The following SCN8A variants were observed in gnomAD, a reference collection of about 807,000 sequenced individuals.
SCN8A encodes sodium voltage-gated channel alpha subunit 8.
SCN8A carries 30 observed loss-of-function variants against 184.1 expected under a neutral mutation model. That is an observed-to-expected ratio of 0.16 (90% confidence interval 0.12 to 0.22). The LOEUF is 0.22. SCN8A is among the 10% of genes least tolerant of loss of function. The pLI is 1.00. For missense variants in SCN8A, 1,057 were observed against 2,498.9 expected, an observed-to-expected ratio of 0.42 and a Z score of 12.30; for synonymous variants, 852 against 907.0, an observed-to-expected ratio of 0.94 and a Z score of 1.09.
At chr12:51,627,084 T>TGAG (rs1940095060) in intron 1 of SCN8A, among the ~76,000 whole-genome samples, 1 of 152,046 alleles carries the variant, frequency 6.6e-6, no homozygotes, top group Admixed American at 6.6e-5. Context: ...AGTGGGAAGA[T>TGAG]GAGGTGCTGT....
chr12:51,670,466 T>C (rs1941111333), intron 2 of SCN8A, among the ~76,000 whole-genome samples: 4 of 152,140 alleles, frequency 2.6e-5, no homozygotes, highest in Admixed American at 2.0e-4. Context: ...TTGATTGGAA[T>C]GTGGGGAAGT....
chr12:51,695,150 C>T (rs1941572653), intron 6 of SCN8A, among the ~76,000 whole-genome samples: 1 of 152,122 alleles, frequency 6.6e-6, no homozygotes, highest in African/African-American at 2.4e-5. Flanking sequence ...GAGAGTAAAC[C>T]TTTTAGATTG....
chr12:51,637,368 C>G (rs558890120), intron 1 of SCN8A, among the ~76,000 whole-genome samples: 37 of 152,264 alleles, frequency 2.4e-4, no homozygotes, highest in African/African-American at 8.7e-4. Context: ...GTGAGGAAGG[C>G]ATATCAAAAG....
intron 1 of SCN8A, among the ~76,000 whole-genome samples, chr12:51,595,755 T>C (rs1939334055): frequency 2.6e-5 from 4 of 152,192 alleles, no homozygotes; most frequent in Admixed American, 2.0e-4. Flanking sequence ...CAGCTTAATG[T>C]GTATTTATGT....
chr12:51,624,759 G>A (rs1289372371), intron 1 of SCN8A, among the ~76,000 whole-genome samples: 2 of 152,176 alleles, frequency 1.3e-5, no homozygotes, highest in East Asian at 1.9e-4. Context: ...TAACGTTTAA[G>A]TCTTTAATCC....
At chr12:51,749,166 T>C (rs1252374151) in intron 13 of SCN8A, among the ~76,000 whole-genome samples, 1 of 152,226 alleles carries the variant, frequency 6.6e-6, no homozygotes, top group African/African-American at 2.4e-5. Flanking sequence ...CAAATGATCT[T>C]TTCTAGCTCC....
intron 1 of SCN8A, among the ~76,000 whole-genome samples, chr12:51,634,006 T>C (rs1940258275): frequency 6.6e-6 from 1 of 152,170 alleles, no homozygotes; most frequent in South Asian, 2.1e-4. Flanking sequence ...TGGACAAGAA[T>C]GATGATGGTA....
intron 14 of SCN8A, among the ~76,000 whole-genome samples, chr12:51,759,589 G>A (rs1045313344): frequency 1.3e-5 from 2 of 152,220 alleles, no homozygotes; most frequent in Non-Finnish European, 2.9e-5. Context: ...TGCAACTGCA[G>A]AAAGCAAAAC....
At position 51,710,689 on chromosome 12, in the gene SCN8A, A is replaced by C. The variant is rs1336533679; in HGVS notation, c.1635+3974A>C. On this transcript the variant is annotated intron_variant, in intron 11 of 26. Transcript: ENST00000627620. ...AAACAAGAACAAAAACAAACCAAAAAATTAAAATTAAATAAAATGCCCTAT... is the reference window on the plus strand; with the variant it reads ...AAACAAGAACAAAAACAAACCAAAACATTAAAATTAAATAAAATGCCCTAT... Among the ~76,000 whole-genome samples, 2 of 152,252 alleles carry C rather than the reference A, an allele frequency of 1.3e-5. 1 individual carries two copies. Among genetic ancestry groups the C allele is most frequent in the South Asian group, 4.2e-4 (2 of 4,816 alleles).
chr12:51,615,589 G>A (rs1432479635), intron 1 of SCN8A, among the ~76,000 whole-genome samples: 2 of 151,968 alleles, frequency 1.3e-5, no homozygotes, highest in African/African-American at 4.8e-5. Context: ...TTAGTACCGT[G>A]TAGATCTCTT....
At chr12:51,718,863 A>G (rs1942006603) in intron 11 of SCN8A, among the ~76,000 whole-genome samples, 1 of 152,198 alleles carries the variant, frequency 6.6e-6, no homozygotes, top group Non-Finnish European at 1.5e-5. Context: ...ATTAGTAAAT[A>G]ATACAGCTTT....
intron 26 of SCN8A, 81 bp downstream of exon 26, chr12:51,794,722 ATGACACAGGTCTGAAG>A: frequency 7.1e-7 from 1 of 1,402,156 alleles, no homozygotes; most frequent in African/African-American, 1.4e-5. Flanking sequence ...AGAGGAATGA[ATGACACAGGTCTGAAG>A]TGCAGGCAAG....
chr12:51,751,223 C>A, intron 13 of SCN8A, 132 bp from the exon 14 acceptor site: 2 of 662,404 alleles, frequency 3.0e-6, no homozygotes, highest in South Asian at 3.8e-5. Flanking sequence ...AAGGAAAACA[C>A]TTAGGAATGT....
rs776451245 is a variant in SCN8A at position 51,612,948 on chromosome 12, C to G, written c.-55+21589C>G. On this transcript the variant is annotated intron_variant, in intron 1 of 26. Coordinates refer to ENST00000627620, the MANE Select transcript of SCN8A (RefSeq NM_001330260.2). ...ATATTGGCCAGACTGGTCTTGAACT[C>G]CTGACATCCCGTGATCCAACCGCCC... 3.3e-5 allele frequency among the ~76,000 whole-genome samples: 5 copies of G among 152,138 alleles called. 1 individual carries two copies. Among genetic ancestry groups the G allele is most frequent in the Non-Finnish European group, 5.9e-5 (4 of 68,034 alleles).
intron 1 of SCN8A, among the ~76,000 whole-genome samples, chr12:51,662,428 C>A (rs1940942751): frequency 6.6e-6 from 1 of 152,032 alleles, no homozygotes; most frequent in Non-Finnish European, 1.5e-5. Flanking sequence ...AATATATGCC[C>A]CTGGGTAATG....
intron 26 of SCN8A, among the ~76,000 whole-genome samples, chr12:51,801,312 G>C (rs1592171323): frequency 6.6e-6 from 1 of 152,174 alleles, no homozygotes; most frequent in South Asian, 2.1e-4. Flanking sequence ...AGTTCCCACT[G>C]TAAGATCTGG....
intron 5 of SCN8A, among the ~76,000 whole-genome samples, chr12:51,687,916 G>A (rs1232255635): frequency 6.6e-6 from 1 of 152,184 alleles, no homozygotes; most frequent in East Asian, 1.9e-4. Flanking sequence ...AGAGTGTAGT[G>A]GGGGTGGTGT....
chr12:51,679,860 G>T (rs1488361335), intron 2 of SCN8A, among the ~76,000 whole-genome samples: 1 of 151,526 alleles, frequency 6.6e-6, no homozygotes, highest in Non-Finnish European at 1.5e-5. Context: ...AGAGTAGCTG[G>T]GACTACAGGC....
chr12:51,788,287 C>CTTTTTTTTTTT (rs66672221), intron 22 of SCN8A, among the ~76,000 whole-genome samples: 7 of 84,008 alleles, frequency 8.3e-5, no homozygotes, highest in African/African-American at 2.5e-4. Context: ...CGCTTAACAC[C>CTTTTTTTTTTT]TTTTTTTTTT....
Sources: allele counts gnomAD v4.1 joint callset (sites outside exome capture counted in the v4.1 genomes callset), GRCh38; gene constraint gnomAD v4.1.1; transcripts MANE v1.5; gene names NCBI Gene and HGNC (gene_info 2026-07-23, HGNC 2026-07-21).